The following PTPRD variants were observed in gnomAD, a reference collection of about 807,000 sequenced individuals.
PTPRD encodes the protein protein tyrosine phosphatase receptor type D.
A neutral mutation model predicts 214.5 loss-of-function variants in PTPRD; 34 were observed. That is an observed-to-expected ratio of 0.16 (90% CI 0.12 to 0.21). The LOEUF is 0.21. PTPRD is among the 10% of genes least tolerant of loss of function. The pLI, the probability that PTPRD is intolerant of heterozygous loss-of-function variation, is 1.00. For synonymous variants in PTPRD, 1,128 were observed against 845.7 expected, an observed-to-expected ratio of 1.33 and a Z score of -5.79; for missense variants, 2,545 against 2,398.7, an observed-to-expected ratio of 1.06 and a Z score of -1.27.
chr9:8,506,493 CAG>C (rs1592264222), intron 22 of PTPRD, among the ~76,000 whole-genome samples: 2 of 152,216 alleles, frequency 1.3e-5, no homozygotes, highest in East Asian at 3.8e-4. Flanking sequence ...GTTAACAACA[CAG>C]ACTCTGGAAC....
intron 9 of PTPRD, among the ~76,000 whole-genome samples, chr9:9,322,699 G>A (rs1383096628): frequency 1.3e-5 from 2 of 152,114 alleles, no homozygotes; most frequent in Non-Finnish European, 2.9e-5. Flanking sequence ...TAGATCCTTG[G>A]TATGAGGGAA....
intron 2 of PTPRD, among the ~76,000 whole-genome samples, chr9:10,514,607 A>G (rs954741456): frequency 2.0e-5 from 3 of 151,992 alleles, no homozygotes; most frequent in Non-Finnish European, 4.4e-5. Flanking sequence ...GGAATTCAGT[A>G]ACTTTTCAAG....
At chr9:10,109,191 G>C (rs572981438) in intron 3 of PTPRD, among the ~76,000 whole-genome samples, 1 of 152,146 alleles carries the variant, frequency 6.6e-6, no homozygotes, top group Non-Finnish European at 1.5e-5. Context: ...AGTTCTTTCT[G>C]TTACTGCATT....
At chr9:8,624,199 A>G in intron 14 of PTPRD, among the ~76,000 whole-genome samples, 1 of 151,946 alleles carries the variant, frequency 6.6e-6, no homozygotes, top group Non-Finnish European at 1.5e-5. Flanking sequence ...CGTAACAATA[A>G]GCACAAATGT....
intron 10 of PTPRD, among the ~76,000 whole-genome samples, chr9:9,181,163 T>G (rs1002800038): frequency 5.9e-5 from 9 of 151,946 alleles, no homozygotes; most frequent in African/African-American, 2.2e-4. Flanking sequence ...AGAAAGCCAT[T>G]CCTTTTCTGC....
chr9:10,294,724 G>C (rs16925747), intron 3 of PTPRD, among the ~76,000 whole-genome samples: 4,520 of 152,028 alleles, frequency 0.03, 298 homozygotes, highest in Admixed American at 0.16. Context: ...TATGTAGCTA[G>C]AATGTATCAG....
In PTPRD at chr9:9,729,886, T is replaced by G. The variant is rs183901272; in HGVS notation, c.-287+4647A>C. The stretch of plus-strand genomic sequence containing the variant: ...CATCAGGATAGCATACTAGCAGTAA[T>G]AACAACTTTAATAACTGTGTATAAT... On this transcript the variant is annotated intron_variant, in intron 7 of 45. Transcript: ENST00000381196. 1.2e-4 allele frequency among the ~76,000 whole-genome samples: 18 copies of G among 152,264 alleles called. No homozygotes were observed. The East Asian group carries it at 2.9e-3, about 25-fold the overall frequency.
At chr9:10,083,725 G>C (rs1157112132) in intron 3 of PTPRD, among the ~76,000 whole-genome samples, 1 of 151,938 alleles carries the variant, frequency 6.6e-6, no homozygotes, top group African/African-American at 2.4e-5. Context: ...TATGGTAGGA[G>C]TCGGGGGTGG....
chr9:9,469,441 G>C (rs1165720398), intron 8 of PTPRD, among the ~76,000 whole-genome samples: 2 of 152,124 alleles, frequency 1.3e-5, no homozygotes, highest in African/African-American at 2.4e-5. Flanking sequence ...ATGTACTTGG[G>C]TTCCAGAAAG....
At chr9:9,201,099 G>A (rs931356002) in intron 9 of PTPRD, among the ~76,000 whole-genome samples, 6 of 152,146 alleles carry the variant, frequency 3.9e-5, no homozygotes, top group Non-Finnish European at 8.8e-5. Context: ...ATCATGAAAA[G>A]TGGTTTATTT....
intron 11 of PTPRD, among the ~76,000 whole-genome samples, chr9:8,779,138 A>C (rs1344954655): frequency 6.6e-6 from 1 of 152,236 alleles, no homozygotes; most frequent in Non-Finnish European, 1.5e-5. Flanking sequence ...TGATGGAAAG[A>C]CAGTATACCC....
chr9:10,610,125 T>C (rs2080567602), intron 2 of PTPRD, among the ~76,000 whole-genome samples: 1 of 152,114 alleles, frequency 6.6e-6, no homozygotes, highest in Non-Finnish European at 1.5e-5. Flanking sequence ...ACTTTAAAGT[T>C]GCAACTACCT....
intron 9 of PTPRD, among the ~76,000 whole-genome samples, chr9:9,280,448 C>G (rs1327259392): frequency 6.6e-6 from 1 of 151,086 alleles, no homozygotes. Context: ...GAATATAAGA[C>G]TAATTTATAA....
chr9:10,533,057 G>C (rs7040139), intron 2 of PTPRD, among the ~76,000 whole-genome samples: 22,197 of 151,900 alleles, frequency 0.15, 1,806 homozygotes, highest in Non-Finnish European at 0.19. Flanking sequence ...AGTTCTCCTG[G>C]GAATGGATTA....
chr9:9,230,985 C>T (rs1040980134), intron 9 of PTPRD, among the ~76,000 whole-genome samples: 1 of 151,990 alleles, frequency 6.6e-6, no homozygotes, highest in South Asian at 2.1e-4. Flanking sequence ...CTCACACTTG[C>T]TTAATCTACC....
chr9:9,183,639 T>C (rs183322750), intron 9 of PTPRD, among the ~76,000 whole-genome samples: 2 of 152,116 alleles, frequency 1.3e-5, no homozygotes, highest in East Asian at 3.9e-4. Context: ...AACTAACATG[T>C]CCACCATAAA....
chr9:9,751,166 G>C (rs1005649283), intron 6 of PTPRD, among the ~76,000 whole-genome samples: 56 of 148,894 alleles, frequency 3.8e-4, no homozygotes. Flanking sequence ...TCTCCACTAA[G>C]TATTGAACTT....
intron 7 of PTPRD, among the ~76,000 whole-genome samples, chr9:9,634,851 G>C (rs1031438040): frequency 6.6e-6 from 1 of 152,172 alleles, no homozygotes; most frequent in African/African-American, 2.4e-5. Flanking sequence ...GGGATTACAA[G>C]TTACTTTTAT....
intron 10 of PTPRD, among the ~76,000 whole-genome samples, chr9:9,024,356 T>G (rs867119432): frequency 1.4e-5 from 2 of 147,084 alleles, no homozygotes; most frequent in African/African-American, 2.5e-5. Flanking sequence ...TTGTTTGTTT[T>G]TTTTTTTTTC....
Sources: gnomAD v4.1 joint callset for allele counts (sites outside exome capture counted in the v4.1 genomes callset) on GRCh38, gnomAD v4.1.1 for gene constraint, MANE v1.5 for transcripts, NCBI Gene and HGNC (gene_info 2026-07-23, HGNC 2026-07-21) for gene names.